Variants in NTRK3 observed in about 807,000 individuals in gnomAD.
The protein encoded by NTRK3 is NT-3 growth factor receptor.
NTRK3 carries 24 observed loss-of-function variants against 91.7 expected under a neutral mutation model. The observed-to-expected ratio is 0.26, with a 90% CI of 0.19 to 0.37. The LOEUF is 0.37. NTRK3 is among the 10% of genes least tolerant of loss of function. NTRK3 has a pLI of 1.00. For synonymous variants in NTRK3, 483 were observed against 404.0 expected (o/e 1.20, Z -2.34); for missense variants, 880 against 1,068.9 (o/e 0.82, Z 2.46).
intron 14 of NTRK3, among the ~76,000 whole-genome samples, chr15:87,999,534 T>C (rs565821966): frequency 2.6e-5 from 4 of 152,348 alleles, no homozygotes; most frequent in Non-Finnish European, 2.9e-5. Flanking sequence ...ATAAATAACA[T>C]GTAGATGTCT....
Position 88,241,983 on chromosome 15 carries a change from G to A in NTRK3, c.248+13923C>T, listed in dbSNP as rs1567705691. On this transcript the variant is annotated intron_variant, in intron 3 of 18. Transcript: ENST00000394480. The surrounding 1 kb of genome is among the most constrained non-coding windows in gnomAD (Gnocchi z 4.3). ...GGTCCTGCTCTCCACGGCTTTCCCA[G>A]CTCTCCCAAGTGGCTGGCCCATCAG... is the stretch of plus-strand genomic sequence containing the variant. Among the ~76,000 whole-genome samples, 1 of 152,146 alleles carries A rather than the reference G, an allele frequency of 6.6e-6. No homozygotes were observed. Among genetic ancestry groups the A allele is most frequent in the Non-Finnish European group, 1.5e-5 (1 of 68,026 alleles).
At chr15:87,930,236 C>G (rs1213014729) in intron 16 of NTRK3, among the ~76,000 whole-genome samples, 2 of 152,158 alleles carry the variant, frequency 1.3e-5, no homozygotes, top group Admixed American at 6.5e-5. Context: ...CATTCCATCC[C>G]AAATCAAGCC....
intron 13 of NTRK3, chr15:88,073,047 G>A (rs2047226939): frequency 5.2e-6 from 1 of 192,734 alleles, no homozygotes; most frequent in African/African-American, 2.3e-5. Context: ...GTCACGGAGT[G>A]GTGAGACAGG....
intron 15 of NTRK3, among the ~76,000 whole-genome samples, chr15:87,938,721 G>T (rs892284274): frequency 6.6e-6 from 1 of 152,156 alleles, no homozygotes; most frequent in Non-Finnish European, 1.5e-5. Flanking sequence ...CCAGATGGAT[G>T]CCGGAACACC....
intron 14 of NTRK3, among the ~76,000 whole-genome samples, chr15:87,954,892 C>A (rs2071504494): frequency 6.6e-6 from 1 of 152,194 alleles, no homozygotes; most frequent in South Asian, 2.1e-4. Flanking sequence ...TAAGTCCTTT[C>A]ATTTCTCATG....
intron 17 of NTRK3, among the ~76,000 whole-genome samples, chr15:87,921,214 T>C (rs2067842280): frequency 6.6e-6 from 1 of 152,124 alleles, no homozygotes; most frequent in South Asian, 2.1e-4. Flanking sequence ...AGGACGATGG[T>C]TAAAGAATGA....
At chr15:87,908,975 A>C (rs1386709747) in intron 17 of NTRK3, among the ~76,000 whole-genome samples, 1 of 152,082 alleles carries the variant, frequency 6.6e-6, no homozygotes, top group Non-Finnish European at 1.5e-5. Flanking sequence ...AGTGGGTTCT[A>C]TCTAGAATTT....
intron 17 of NTRK3, among the ~76,000 whole-genome samples, chr15:87,912,567 A>G (rs1245175579): frequency 1.3e-5 from 2 of 152,040 alleles, no homozygotes; most frequent in African/African-American, 4.8e-5. Flanking sequence ...AGGGAGAAGA[A>G]TGTCCTTGTC....
Position 88,137,670 on chromosome 15 carries a change from G to T in NTRK3, c.465-109C>A. ...CCGACCTGTTCAGGGATTAAGGGGA[G>T]AAGGGATTTAACAAGGTTACAAAAG... On this transcript the variant is annotated intron_variant, in intron 6 of 18. Transcript: ENST00000394480. 7.3e-6 allele frequency: 8 copies of T among 1,093,396 alleles called. No individual in the cohort carries two copies. In the South Asian group the frequency reaches 9.6e-5, roughly 13 times the overall value. 67.7% of individuals were successfully genotyped at this position (1,093,396 alleles called of 1,614,324 possible).
At chr15:88,110,213 A>C (rs1201752485) in intron 13 of NTRK3, among the ~76,000 whole-genome samples, 1 of 152,188 alleles carries the variant, frequency 6.6e-6, no homozygotes, top group Non-Finnish European at 1.5e-5. Context: ...ATACTGCACA[A>C]AGTGGTGGGT....
intron 13 of NTRK3, among the ~76,000 whole-genome samples, chr15:88,035,764 A>C (rs957137548): frequency 2.0e-5 from 3 of 152,234 alleles, no homozygotes; most frequent in African/African-American, 4.8e-5. Context: ...AAGCAGAAGA[A>C]GACTTTCTAA....
chr15:87,957,573 G>C (rs1011339034), intron 14 of NTRK3, among the ~76,000 whole-genome samples: 3 of 152,088 alleles, frequency 2.0e-5, no homozygotes, highest in Admixed American at 2.0e-4. Flanking sequence ...ACAGTGCATA[G>C]GGAAAAAAAG....
intron 13 of NTRK3, among the ~76,000 whole-genome samples, chr15:88,093,335 T>C (rs2049220278): frequency 6.6e-6 from 1 of 152,148 alleles, no homozygotes; most frequent in African/African-American, 2.4e-5. Context: ...GAAGGGATGA[T>C]ATTCTCCTAT....
chr15:87,940,266 T>C (rs891648025), intron 15 of NTRK3, among the ~76,000 whole-genome samples: 2 of 152,176 alleles, frequency 1.3e-5, no homozygotes, highest in African/African-American at 2.4e-5. Flanking sequence ...GCCATGTGAC[T>C]TTCCAGGCAC....
chr15:88,127,056 T>A, intron 12 of NTRK3, 106 bp downstream of exon 12: 1 of 1,011,400 alleles, frequency 9.9e-7, no homozygotes, highest in Non-Finnish European at 1.5e-6. Context: ...ACTTTTTTTT[T>A]TCAAAGTTTC....
chr15:87,933,009 T>C lies in NTRK3; in HGVS notation c.1889+3A>G. 6.2e-7 allele frequency: 1 copy of C among 1,614,028 alleles called. No individual in the cohort carries two copies. Among genetic ancestry groups the C allele is most frequent in the Non-Finnish European group, 8.5e-7 (1 of 1,179,998 alleles). On this transcript the variant is annotated splice_donor_region_variant and intron_variant, in intron 16 of 18. Transcript: ENST00000394480. Reference sequence around the variant, plus strand: ...GGTGCAGGGGAAGACAATCCTTGCTTACCTGAGGAACTTATTCAGGTCTCC... The same window carrying C: ...GGTGCAGGGGAAGACAATCCTTGCTCACCTGAGGAACTTATTCAGGTCTCC...
chr15:88,179,522 T>C (rs1383190184), intron 5 of NTRK3, among the ~76,000 whole-genome samples: 1 of 152,130 alleles, frequency 6.6e-6, no homozygotes, highest in African/African-American at 2.4e-5. Context: ...GCTCTACAGG[T>C]GAAAGGAAGT....
rs563246978 is a variant in NTRK3 at position 88,234,699 on chromosome 15, A to T, written c.248+21207T>A. On this transcript the variant is annotated intron_variant, in intron 3 of 18. Transcript: ENST00000394480. This position sits in a 1 kb window ranked among gnomAD's most constrained non-coding sequence, Gnocchi z 6.1. ...TTGTGCTTCTTTCTCCAACACATTT[A>T]TTACACCCATCACTTCAGCTGTAAG... 4.6e-5 allele frequency among the ~76,000 whole-genome samples: 7 copies of T among 152,210 alleles called. No homozygotes were observed. In the South Asian group the frequency reaches 1.5e-3, roughly 32 times the overall value.
chr15:87,874,831 G>C (rs947576903), exon 19 of NTRK3: 7 of 231,382 alleles, frequency 3.0e-5, no homozygotes, highest in Non-Finnish European at 6.0e-5. Context: ...ATTGTCATAG[G>C]ACAGCAAAGG....
Sources: allele counts gnomAD v4.1 joint callset (sites outside exome capture counted in the v4.1 genomes callset), GRCh38; gene constraint gnomAD v4.1.1; non-coding constraint Gnocchi (gnomAD v3.1); transcripts MANE v1.5; gene names NCBI Gene and HGNC (gene_info 2026-07-23, HGNC 2026-07-21).